Variants in PRKCZ observed in about 807,000 individuals in gnomAD.
PRKCZ encodes protein kinase C zeta.
PRKCZ carries 33 observed loss-of-function variants against 79.5 expected under a neutral mutation model. That is an observed-to-expected ratio of 0.41 (90% CI 0.31 to 0.55). The LOEUF is 0.55. Among genes scored for constraint, PRKCZ ranks in the 20% least tolerant of loss-of-function variants. PRKCZ has a pLI of 0.19. For missense variants in PRKCZ, 578 were observed against 813.5 expected (o/e 0.71, Z 3.52); for synonymous variants, 342 against 320.9 (o/e 1.07, Z -0.70).
In PRKCZ at chr1:2,144,635, A is replaced by T. The variant is rs1678118750; in HGVS notation, c.552+294A>T. On this transcript the variant is annotated intron_variant, in intron 6 of 17. Coordinates refer to ENST00000378567, the MANE Select transcript of PRKCZ (RefSeq NM_002744.6). Reference sequence around the variant, plus strand: ...TGGGTCGGAGGTAAGGTTCATTCATACCCCAGTCTTGAACCAGCTCTTAAG... The same window carrying T: ...TGGGTCGGAGGTAAGGTTCATTCATTCCCCAGTCTTGAACCAGCTCTTAAG... The T allele has an allele frequency of 3.3e-6, 4 of 1,211,954 alleles. No homozygotes were observed. The Admixed American group carries it at 1.5e-4, about 46-fold the overall frequency. The allele number at this position is 1,211,954 out of a possible 1,614,324, so 75.1% of individuals were successfully genotyped here.
chr1:2,089,938 C>A lies in PRKCZ; in HGVS notation c.334+30347C>A, dbSNP rs1571289248. Among the ~76,000 whole-genome samples, 3 of 152,232 alleles carry A rather than the reference C, an allele frequency of 2.0e-5. No homozygotes were observed. In the South Asian group the frequency reaches 6.2e-4, roughly 32 times the overall value. ...AAAAGCTTTATTCTCTGTCTGGAGA[C>A]CAGCGTCTGAGAGCTGGGTTTCGGC... is the stretch of plus-strand genomic sequence containing the variant. On this transcript the variant is annotated intron_variant, in intron 4 of 17. Coordinates refer to ENST00000378567, the MANE Select transcript of PRKCZ (RefSeq NM_002744.6).
At chr1:2,072,076 TC>T (rs1384288673) in intron 4 of PRKCZ, among the ~76,000 whole-genome samples, 1 of 152,266 alleles carries the variant, frequency 6.6e-6, no homozygotes, top group Non-Finnish European at 1.5e-5. Context: ...CAGCCCTCGT[TC>T]CCCATAGATT....
At chr1:2,146,947 G>A (rs568794946) in intron 7 of PRKCZ, among the ~76,000 whole-genome samples, 38 of 151,298 alleles carry the variant, frequency 2.5e-4, no homozygotes, top group African/African-American at 8.5e-4. Context: ...TCCTCCACCC[G>A]CCCATTCTCC....
intron 9 of PRKCZ, among the ~76,000 whole-genome samples, chr1:2,154,829 G>A (rs1680608407): frequency 6.6e-6 from 1 of 152,224 alleles, no homozygotes; most frequent in Non-Finnish European, 1.5e-5. Context: ...TGACCTTGCA[G>A]CATTTTGCTG....
At chr1:2,132,620 C>T (rs1675222604) in intron 4 of PRKCZ, among the ~76,000 whole-genome samples, 1 of 152,222 alleles carries the variant, frequency 6.6e-6, no homozygotes, top group African/African-American at 2.4e-5. Context: ...GACGCCTGCT[C>T]TGGGCTTCTG....
At chr1:2,113,608 G>A (rs990561485) in intron 4 of PRKCZ, among the ~76,000 whole-genome samples, 7 of 152,200 alleles carry the variant, frequency 4.6e-5, no homozygotes, top group Non-Finnish European at 7.3e-5. Flanking sequence ...AGGGGGTGCA[G>A]CCTGCCTGTC....
intron 1 of PRKCZ, 54 bp downstream of exon 1, chr1:2,050,755 G>A: frequency 2.0e-6 from 2 of 997,272 alleles, no homozygotes; most frequent in Non-Finnish European, 2.6e-6. Context: ...AGGGCGGGGA[G>A]GGCTCAGCCG....
At chr1:2,057,900 C>G (rs1660326783) in intron 3 of PRKCZ, among the ~76,000 whole-genome samples, 1 of 150,604 alleles carries the variant, frequency 6.6e-6, no homozygotes, top group African/African-American at 2.4e-5. Context: ...TGGAGTCTCG[C>G]TCTGTCGCCC....
chr1:2,096,018 G>A (rs1160086053), intron 4 of PRKCZ, among the ~76,000 whole-genome samples: 1 of 150,780 alleles, frequency 6.6e-6, no homozygotes, highest in African/African-American at 2.4e-5. Context: ...GGAGTAAATG[G>A]GTGTGGGGGC....
intron 10 of PRKCZ, among the ~76,000 whole-genome samples, chr1:2,163,974 C>T (rs1002637007): frequency 1.1e-4 from 16 of 151,964 alleles, no homozygotes; most frequent in South Asian, 4.1e-4. Context: ...ATCATTGTTA[C>T]GATTTTTACT....
chr1:2,079,939 C>G (rs114665555), intron 4 of PRKCZ, among the ~76,000 whole-genome samples: 3,602 of 152,294 alleles, frequency 0.024, 138 homozygotes, highest in African/African-American at 0.082. Flanking sequence ...CCCCCGCAAG[C>G]CCTCTCGTTC....
chr1:2,180,383 G>A (rs958266291), intron 16 of PRKCZ, among the ~76,000 whole-genome samples: 1 of 151,520 alleles, frequency 6.6e-6, no homozygotes, highest in Non-Finnish European at 1.5e-5. Context: ...ACGCACAGAC[G>A]ACATGGACGC....
chr1:2,135,203 C>G, intron 4 of PRKCZ, 59 bp from the exon 5 acceptor site: 6 of 1,457,018 alleles, frequency 4.1e-6, no homozygotes, highest in Non-Finnish European at 4.8e-6. Context: ...GCAGCTGCAC[C>G]CTGCGTGGGC....
intron 16 of PRKCZ, chr1:2,181,850 A>T (rs1043558672): frequency 4.4e-6 from 2 of 456,332 alleles, no homozygotes; most frequent in Admixed American, 4.7e-5. Context: ...TACAAAGAAT[A>T]CAAGTAACTG....
chr1:2,051,920 C>T (rs1259141832), intron 1 of PRKCZ, among the ~76,000 whole-genome samples: 1 of 152,112 alleles, frequency 6.6e-6, no homozygotes, highest in East Asian at 1.9e-4. Flanking sequence ...GTGCAGTGGC[C>T]CGGGTTTGGT....
At chr1:2,104,563 G>C (rs1333887012) in intron 4 of PRKCZ, among the ~76,000 whole-genome samples, 1 of 152,158 alleles carries the variant, frequency 6.6e-6, no homozygotes, top group Non-Finnish European at 1.5e-5. Flanking sequence ...GGCCCTAAGA[G>C]GGGAGGCTGG....
At chr1:2,150,666 CG>C in intron 8 of PRKCZ, 123 bp from the exon 9 acceptor site, 1 of 985,030 alleles carries the variant, frequency 1.0e-6, no homozygotes, top group Non-Finnish European at 1.5e-6. Context: ...AACTGAGACT[CG>C]AATCATGAGG....
intron 4 of PRKCZ, among the ~76,000 whole-genome samples, chr1:2,066,333 T>G (rs937711956): frequency 2.6e-5 from 4 of 152,142 alleles, no homozygotes; most frequent in Non-Finnish European, 4.4e-5. Flanking sequence ...CCCTGGGCTT[T>G]GCTTTGTTGG....
intron 4 of PRKCZ, among the ~76,000 whole-genome samples, chr1:2,108,494 C>T (rs1197932521): frequency 6.6e-6 from 1 of 152,244 alleles, no homozygotes; most frequent in Non-Finnish European, 1.5e-5. Context: ...TGAGTGGGTG[C>T]CGTCCAGGTC....
Sources: gnomAD v4.1 joint callset for allele counts (sites outside exome capture counted in the v4.1 genomes callset) on GRCh38, gnomAD v4.1.1 for gene constraint, MANE v1.5 for transcripts, NCBI Gene and HGNC (gene_info 2026-07-23, HGNC 2026-07-21) for gene names.